Variants in ADCY2 observed in about 807,000 individuals in gnomAD.
ADCY2 encodes the protein adenylate cyclase 2, also known as adenylate cyclase type 2.
A neutral mutation model predicts 125.2 loss-of-function variants in ADCY2; 31 were observed. The observed-to-expected ratio is 0.25, with a 90% CI of 0.19 to 0.33. ADCY2 has a LOEUF of 0.33. ADCY2 is among the 10% of genes least tolerant of loss of function. ADCY2 has a pLI of 1.00. For synonymous variants in ADCY2, 512 were observed against 548.4 expected, an observed-to-expected ratio of 0.93 and a Z score of 0.93; for missense variants, 904 against 1,418.2, an observed-to-expected ratio of 0.64 and a Z score of 5.82.
intron 2 of ADCY2, among the ~76,000 whole-genome samples, chr5:7,433,646 T>C (rs977575479): frequency 6.6e-6 from 1 of 151,786 alleles, no homozygotes; most frequent in Non-Finnish European, 1.5e-5. Context: ...CCAAATTCCT[T>C]GAAGAAAGAA....
At chr5:7,792,278 C>T (rs1245289423) in intron 20 of ADCY2, among the ~76,000 whole-genome samples, 1 of 151,458 alleles carries the variant, frequency 6.6e-6, no homozygotes, top group Non-Finnish European at 1.5e-5. Flanking sequence ...GCCTGTAATC[C>T]CAGCTACTTG....
intron 2 of ADCY2, among the ~76,000 whole-genome samples, chr5:7,481,071 A>C (rs935388513): frequency 2.6e-5 from 4 of 152,114 alleles, no homozygotes; most frequent in Non-Finnish European, 5.9e-5. Context: ...TGTTCTCCAT[A>C]GTGGTTGGAC....
chr5:7,791,409 G>A (rs571946943), intron 20 of ADCY2, among the ~76,000 whole-genome samples: 2 of 152,152 alleles, frequency 1.3e-5, no homozygotes, highest in Admixed American at 6.5e-5. Flanking sequence ...AGAAGCCTTG[G>A]AACAGTATTT....
intron 16 of ADCY2, among the ~76,000 whole-genome samples, chr5:7,763,782 C>T (rs1017475921): frequency 6.6e-6 from 1 of 152,164 alleles, no homozygotes; most frequent in Non-Finnish European, 1.5e-5. Flanking sequence ...GTTTGCCCTG[C>T]GTTTTTCCAG....
intron 15 of ADCY2, among the ~76,000 whole-genome samples, chr5:7,744,951 C>G (rs772687057): frequency 6.6e-6 from 1 of 152,174 alleles, no homozygotes; most frequent in South Asian, 2.1e-4. Context: ...TAGATGACAC[C>G]GCCAAGGAAG....
At chr5:7,556,493 T>G (rs974114652) in intron 3 of ADCY2, among the ~76,000 whole-genome samples, 3 of 152,242 alleles carry the variant, frequency 2.0e-5, no homozygotes, top group African/African-American at 7.2e-5. Context: ...TCTCAGTATG[T>G]CAAGCTTTAA....
chr5:7,651,266 A>G (rs997232103), intron 4 of ADCY2, among the ~76,000 whole-genome samples: 1 of 152,180 alleles, frequency 6.6e-6, no homozygotes, highest in African/African-American at 2.4e-5. Context: ...GTTCTCTAGA[A>G]GGACAGAACT....
At chr5:7,575,028 A>G (rs1457172885) in intron 3 of ADCY2, among the ~76,000 whole-genome samples, 6 of 152,192 alleles carry the variant, frequency 3.9e-5, no homozygotes, top group Non-Finnish European at 4.4e-5. Flanking sequence ...CCATTTGTGT[A>G]AACAAAAGTG....
chr5:7,417,360 G>C (rs960084791), intron 2 of ADCY2, among the ~76,000 whole-genome samples: 2 of 151,846 alleles, frequency 1.3e-5, no homozygotes, highest in Non-Finnish European at 2.9e-5. Context: ...GGCTCTTCTG[G>C]GTTCTGTTAG....
chr5:7,726,452 G>T (rs896920956), intron 13 of ADCY2, among the ~76,000 whole-genome samples: 1 of 152,122 alleles, frequency 6.6e-6, no homozygotes, highest in African/African-American at 2.4e-5. Context: ...GTCATCATCA[G>T]CATCATAAGT....
At position 7,698,371 on chromosome 5, in the gene ADCY2, T is replaced by C; in HGVS notation, c.1106T>C (p.Ile369Thr). 1 of 1,614,132 alleles carries C rather than the reference T, an allele frequency of 6.2e-7. No homozygotes were observed. The highest frequency in any genetic ancestry group is 8.5e-7 in the Non-Finnish European group (1 of 1,180,006). ...ATGGGGCTGGACATGTGTGAAGCCATAAAGTAAGTGGACTGCTTAGTAAGC... is the reference window on the plus strand; with the variant it reads ...ATGGGGCTGGACATGTGTGAAGCCACAAAGTAAGTGGACTGCTTAGTAAGC... ...VKMGLDMCEA[I>T]KKVRDATGVD... The change falls in exon 7 of 25, where the codon ATA becomes ACA. Residue 369 changes from isoleucine (I) to threonine (T), a missense_variant. Ile to Thr is a moderately conservative substitution (Grantham distance 89). Around this residue, in one of 7 missense-constraint regions of ADCY2, gnomAD observed 117 missense variants for 248.0 expected, o/e 0.47. Coordinates refer to ENST00000338316, the MANE Select transcript of ADCY2 (RefSeq NM_020546.3).
rs78763570 is a variant in ADCY2, at chr5:7,758,278, T to C, written c.2094+692T>C. Among the ~76,000 whole-genome samples, 680 of 152,302 alleles carry C rather than the reference T, an allele frequency of 4.5e-3. 16 individuals are homozygous for C. Among genetic ancestry groups the C allele is most frequent in the East Asian group, 0.044 (230 of 5,170 alleles). On this transcript the variant is annotated intron_variant, in intron 16 of 24. Transcript: ENST00000338316. ...ATTGAACCAATGGCCACTCTGACTA[T>C]ATCAGTCTCATCAGTGCCGGTTATC...
At chr5:7,455,451 A>G (rs929767870) in intron 2 of ADCY2, among the ~76,000 whole-genome samples, 1 of 152,110 alleles carries the variant, frequency 6.6e-6, no homozygotes, top group Non-Finnish European at 1.5e-5. Flanking sequence ...ATCACACATT[A>G]TTATAGGGGA....
intron 4 of ADCY2, among the ~76,000 whole-genome samples, chr5:7,650,828 G>C (rs901993801): frequency 6.6e-6 from 1 of 152,222 alleles, no homozygotes; most frequent in Admixed American, 6.5e-5. Flanking sequence ...AAATGGAATT[G>C]AGCAAGGCGG....
chr5:7,470,235 T>C (rs907266805), intron 2 of ADCY2, among the ~76,000 whole-genome samples: 21 of 151,800 alleles, frequency 1.4e-4, no homozygotes, highest in African/African-American at 4.3e-4. Flanking sequence ...GTAATTTTTA[T>C]GGACATGCCT....
At chr5:7,544,581 C>G (rs1251106309) in intron 3 of ADCY2, among the ~76,000 whole-genome samples, 3 of 152,170 alleles carry the variant, frequency 2.0e-5, no homozygotes, top group Non-Finnish European at 4.4e-5. Context: ...AGGTTCATCA[C>G]GTGTGCAAAG....
intron 13 of ADCY2, among the ~76,000 whole-genome samples, chr5:7,726,731 T>C (rs1741945237): frequency 6.6e-6 from 1 of 152,172 alleles, no homozygotes; most frequent in Non-Finnish European, 1.5e-5. Context: ...CTAAAATAAA[T>C]GAATATGTCT....
intron 2 of ADCY2, among the ~76,000 whole-genome samples, chr5:7,445,841 G>A (rs1048460654): frequency 1.3e-5 from 2 of 151,840 alleles, no homozygotes; most frequent in Admixed American, 6.5e-5. Flanking sequence ...TTCATGTTCT[G>A]CTATTTGAAA....
intron 2 of ADCY2, among the ~76,000 whole-genome samples, chr5:7,455,362 C>A (rs1229243166): frequency 2.0e-5 from 3 of 152,132 alleles, no homozygotes; most frequent in African/African-American, 7.2e-5. Flanking sequence ...CACACTCTTC[C>A]ACTAAAATTT....
Sources: gnomAD v4.1 joint callset for allele counts (sites outside exome capture counted in the v4.1 genomes callset) on GRCh38, gnomAD v4.1.1 for gene constraint, gnomAD v4.1.1 regional missense constraint, MANE v1.5 for transcripts, NCBI Gene and HGNC (gene_info 2026-07-23, HGNC 2026-07-21) for gene names.